Variants in FGF12 observed in about 807,000 individuals in gnomAD.
FGF12 encodes fibroblast growth factor 12.
Under a neutral mutation model 23.6 loss-of-function variants are expected in FGF12, and 14 were observed. That is an observed-to-expected ratio of 0.59 (90% CI 0.39 to 0.93). FGF12 has a LOEUF of 0.93. FGF12 is among the 40% of genes least tolerant of loss of function. FGF12 has a pLI of 0.00. For missense variants in FGF12, 175 were observed against 217.8 expected, an observed-to-expected ratio of 0.80 and a Z score of 1.24; for synonymous variants, 62 against 77.3, an observed-to-expected ratio of 0.80 and a Z score of 1.04.
At chr3:192,476,111 C>T (rs1259196414) in intron 2 of FGF12, among the ~76,000 whole-genome samples, 1 of 152,098 alleles carries the variant, frequency 6.6e-6, no homozygotes, top group Non-Finnish European at 1.5e-5. Context: ...GGTGAGATGA[C>T]ACCCGAAAGA....
chr3:192,603,867 C>T (rs1714225778), intron 2 of FGF12, among the ~76,000 whole-genome samples: 2 of 152,116 alleles, frequency 1.3e-5, no homozygotes, highest in African/African-American at 4.8e-5. Context: ...GAGCAGAGAA[C>T]TGGTCTGACC....
intron 4 of FGF12, among the ~76,000 whole-genome samples, chr3:192,171,358 C>T (rs1244287564): frequency 2.0e-5 from 3 of 151,806 alleles, no homozygotes; most frequent in Non-Finnish European, 4.4e-5. Flanking sequence ...TGTACTTCAA[C>T]TCCAGCATTT....
chr3:192,554,295 G>A lies in FGF12; in HGVS notation c.13+172886C>T, dbSNP rs187124176. On this transcript the variant is annotated intron_variant, in intron 2 of 5. Transcript: ENST00000445105. Reference sequence around the variant, plus strand: ...GTCTGGCTTTTCAGGGAGCTCTCTGGGGGGAATTGTTTCTGTGTCTTCGGA... The same window carrying A: ...GTCTGGCTTTTCAGGGAGCTCTCTGAGGGGAATTGTTTCTGTGTCTTCGGA... Among the ~76,000 whole-genome samples the A allele has an allele frequency of 3.9e-5, 6 of 152,272 alleles. No homozygotes were observed. In the East Asian group the frequency reaches 9.7e-4, roughly 25 times the overall value.
rs141207791 is a variant in FGF12 at position 192,542,134 on chromosome 3, A to C, written c.14-181596T>G. Among the ~76,000 whole-genome samples, 248 of 151,744 alleles carry C rather than the reference A, an allele frequency of 1.6e-3. 1 individual carries two copies. The highest frequency in any genetic ancestry group is 5.7e-3 in the African/African-American group (236 of 41,330). ...ATGATCCGCCTACCTTGGCCTCCCA[A>C]AGTGCTGGGATTACAGGTGTGAGCC... On this transcript the variant is annotated intron_variant, in intron 2 of 5. Transcript: ENST00000445105.
rs147111368 is a variant in FGF12, at chr3:192,703,186, T to C, written c.13+23995A>G. ...ATACAGGCATACCTTACAGATATAG[T>C]GGGTTGGGTTCCGGACAACCACAAT... On this transcript the variant is annotated intron_variant, in intron 2 of 5. Transcript: ENST00000445105. 3.3e-5 allele frequency among the ~76,000 whole-genome samples: 5 copies of C among 152,310 alleles called. No homozygotes were observed. In the East Asian group the frequency reaches 9.6e-4, roughly 29 times the overall value.
chr3:192,439,324 T>C (rs895434101), intron 2 of FGF12, among the ~76,000 whole-genome samples: 4 of 152,200 alleles, frequency 2.6e-5, no homozygotes, highest in African/African-American at 9.7e-5. Flanking sequence ...AATATTTCTT[T>C]ATGTCCAACA....
chr3:192,158,397 CTTTCTTTT>C (rs1470354469), intron 5 of FGF12, among the ~76,000 whole-genome samples: 1 of 37,094 alleles, frequency 2.7e-5, no homozygotes, highest in African/African-American at 2.8e-4. Context: ...CTTTCTCTCT[CTTTCTTTT>C]TCTTTCTTTC....
intron 2 of FGF12, among the ~76,000 whole-genome samples, chr3:192,367,991 T>G (rs1719059181): frequency 6.6e-6 from 1 of 152,240 alleles, no homozygotes; most frequent in South Asian, 2.1e-4. Flanking sequence ...ATGGCACGTT[T>G]TATTTTTTAA....
intron 5 of FGF12, among the ~76,000 whole-genome samples, chr3:192,144,985 C>T (rs1713616816): frequency 6.6e-6 from 1 of 152,168 alleles, no homozygotes; most frequent in East Asian, 1.9e-4. Flanking sequence ...CTTTTATCCT[C>T]GGCTTAGGAA....
At chr3:192,222,790 G>A (rs1263317720) in intron 4 of FGF12, among the ~76,000 whole-genome samples, 4 of 152,142 alleles carry the variant, frequency 2.6e-5, no homozygotes, top group South Asian at 2.1e-4. Flanking sequence ...ATGGCCATGA[G>A]TTTCACCAAA....
At chr3:192,294,275 C>T (rs115517447) in intron 4 of FGF12, among the ~76,000 whole-genome samples, 399 of 152,164 alleles carry the variant, frequency 2.6e-3, no homozygotes, top group Non-Finnish European at 4.4e-3. Context: ...CAGACTAATT[C>T]TCAGAGTCCT....
chr3:192,371,945 T>G (rs1252956071), intron 2 of FGF12, among the ~76,000 whole-genome samples: 2 of 152,014 alleles, frequency 1.3e-5, no homozygotes, highest in African/African-American at 2.4e-5. Context: ...ACAAACCCTG[T>G]GGAAATCTAT....
intron 2 of FGF12, among the ~76,000 whole-genome samples, chr3:192,690,532 A>G (rs993989626): frequency 6.6e-6 from 1 of 151,366 alleles, no homozygotes; most frequent in Admixed American, 6.6e-5. Context: ...ACTACAAAGC[A>G]AAAACTTATA....
At chr3:192,254,303 A>C (rs1712229283) in intron 4 of FGF12, among the ~76,000 whole-genome samples, 1 of 151,814 alleles carries the variant, frequency 6.6e-6, no homozygotes, top group South Asian at 2.1e-4. Flanking sequence ...TATTTCATTT[A>C]ACATAATGTC....
At chr3:192,510,710 G>A (rs1050546665) in intron 2 of FGF12, among the ~76,000 whole-genome samples, 11 of 152,116 alleles carry the variant, frequency 7.2e-5, no homozygotes, top group East Asian at 3.8e-4. Context: ...TCCAAGTCTC[G>A]AAGCAGCCAA....
chr3:192,649,940 G>T (rs1716154454), intron 2 of FGF12, among the ~76,000 whole-genome samples: 1 of 152,072 alleles, frequency 6.6e-6, no homozygotes, highest in African/African-American at 2.4e-5. Flanking sequence ...GGTATATTTT[G>T]CTCATATTTT....
At position 192,692,908 on chromosome 3, in the gene FGF12, A is replaced by G. The variant is rs139391626; in HGVS notation, c.13+34273T>C. Among the ~76,000 whole-genome samples the G allele has an allele frequency of 7.8e-4, 118 of 152,158 alleles. 2 individuals are homozygous for G. The East Asian group carries it at 0.021, about 27-fold the overall frequency. ...TTTTCTCTAGGGTCTGGCTTAAGGC[A>G]AGGATGCCTACTCTCACCACTTCTA... On this transcript the variant is annotated intron_variant, in intron 2 of 5. Coordinates refer to ENST00000445105, the MANE Select transcript of FGF12 (RefSeq NM_004113.6).
At chr3:192,579,587 T>C (rs1713049062) in intron 2 of FGF12, among the ~76,000 whole-genome samples, 1 of 152,162 alleles carries the variant, frequency 6.6e-6, no homozygotes, top group Non-Finnish European at 1.5e-5. Flanking sequence ...GAAGTCTCTC[T>C]CTGTCACCCA....
rs1004539919 is a variant in FGF12, at chr3:192,408,900, G to A, written c.14-48362C>T. 8.1e-6 allele frequency: 8 copies of A among 985,256 alleles called. No individual in the cohort carries two copies. The Admixed American group carries it at 3.7e-4, about 45-fold the overall frequency. 61.0% of individuals were successfully genotyped at this position (985,256 alleles called of 1,614,324 possible). On this transcript the variant is annotated intron_variant, in intron 2 of 5. Transcript: ENST00000445105. This position sits in a 1 kb window ranked among gnomAD's most constrained non-coding sequence, Gnocchi z 7.3. The stretch of plus-strand genomic sequence containing the variant: ...GGGTGAGGTCTACAGAATGCATCGC[G>A]CCGGCTGCGGCTTTCCAGGGGCCGG...
Sources: allele counts gnomAD v4.1 joint callset (sites outside exome capture counted in the v4.1 genomes callset), GRCh38; gene constraint gnomAD v4.1.1; non-coding constraint Gnocchi (gnomAD v3.1); transcripts MANE v1.5; gene names NCBI Gene and HGNC (gene_info 2026-07-23, HGNC 2026-07-21).